Variants in PNPLA6 observed in about 807,000 individuals in gnomAD.
PNPLA6 encodes patatin-like phospholipase domain-containing protein 6.
A neutral mutation model predicts 153.7 loss-of-function variants in PNPLA6; 105 were observed. The ratio of observed to expected loss-of-function variants is 0.68; its 90% confidence interval spans 0.58 to 0.80. The LOEUF (loss-of-function observed/expected upper bound fraction) is 0.80. PNPLA6 is among the 30% of genes least tolerant of loss of function. The probability of loss-of-function intolerance (pLI) is 0.00; values close to 1 mark genes in which losing one functional copy is unlikely to be tolerated. For synonymous variants in PNPLA6, 825 were observed against 822.2 expected (o/e 1.00, Z -0.06); for missense variants, 1,423 against 1,919.3 (o/e 0.74, Z 4.83).
chr19:7,556,366 A>G, intron 24 of PNPLA6, 87 bp from the exon 25 acceptor site: 1 of 845,498 alleles, frequency 1.2e-6, no homozygotes, highest in Non-Finnish European at 2.1e-6. Context: ...CTGGCCCCTA[A>G]GTGCTGCTTG....
rs369490282 is a variant in PNPLA6, at chr19:7,561,245, C to T, written c.3951C>T (p.Asp1317=). The change falls in exon 31 of 32, where the codon GAC becomes GAT. Residue 1317 remains aspartate, a synonymous_variant. Transcript: ENST00000600737. ...ATTGTCTGACAGAGTATGAGGAGGA[C>T]GCCGGACCCGACTGCTCGAGGGATG... ...ESDCLTEYEE[D]AGPDCSRDEG... 138 of 1,610,512 alleles carry T rather than the reference C, an allele frequency of 8.6e-5. No individual in the cohort carries two copies. Among genetic ancestry groups the T allele is most frequent in the Middle Eastern group, 6.6e-4 (4 of 6,076 alleles).
At chr19:7,551,544 C>A (rs2023651605) in intron 18 of PNPLA6, 107 bp downstream of exon 18, 1 of 981,088 alleles carries the variant, frequency 1.0e-6, no homozygotes, top group Non-Finnish European at 1.6e-6. Context: ...TGGAGTTCCG[C>A]GAAGAAATCG....
At chr19:7,543,915 G>A (rs1246457953) in intron 13 of PNPLA6, among the ~76,000 whole-genome samples, 1 of 150,846 alleles carries the variant, frequency 6.6e-6, no homozygotes, top group Non-Finnish European at 1.5e-5. Context: ...CCGGGTTCAC[G>A]CCATTCTCCT....
chr19:7,551,879 C>T (rs572592759), intron 18 of PNPLA6, among the ~76,000 whole-genome samples: 9 of 152,040 alleles, frequency 5.9e-5, no homozygotes, highest in South Asian at 2.1e-4. Flanking sequence ...GCAGGAGGAT[C>T]GCTTGAGCCC....
At chr19:7,559,486 C>T (rs2024017073) in intron 28 of PNPLA6, among the ~76,000 whole-genome samples, 3 of 152,142 alleles carry the variant, frequency 2.0e-5, no homozygotes, top group African/African-American at 7.2e-5. Flanking sequence ...AGGGAGGTAG[C>T]AGTGCGTGTG....
Position 7,559,118 on chromosome 19 carries a change from G to T in PNPLA6, c.3666G>T (p.Lys1222Asn). ...EYLRPPIDCF[K>N]TMDFGKFDQI... is the part of the protein sequence containing the mutation. ...TGCGCCCGCCCATCGACTGCTTCAAGACCATGGACTTTGGGAAGTTCGACC... is the reference window on the plus strand; with the variant it reads ...TGCGCCCGCCCATCGACTGCTTCAATACCATGGACTTTGGGAAGTTCGACC... The change falls in exon 28 of 32, where the codon AAG (lysine) becomes AAT (asparagine). Residue 1222 changes from lysine to asparagine, a missense_variant. Physicochemically the swap from Lys to Asn is moderately conservative, Grantham distance 94. Transcript: ENST00000600737. The T allele has an allele frequency of 6.2e-7, 1 of 1,614,220 alleles. No individual in the cohort carries two copies. The highest frequency in any genetic ancestry group is 1.1e-5 in the South Asian group (1 of 91,084).
intron 3 of PNPLA6, 89 bp from the exon 4 acceptor site, chr19:7,539,829 C>A: frequency 2.3e-6 from 2 of 856,016 alleles, no homozygotes; most frequent in Middle Eastern, 3.4e-4. Context: ...TGTACATGAG[C>A]CCTGGGGAAA....
chr19:7,561,404 G>T, intron 31 of PNPLA6, 84 bp from the exon 32 acceptor site: 1 of 1,437,224 alleles, frequency 7.0e-7, no homozygotes, highest in Non-Finnish European at 9.6e-7. Context: ...GCGTATTTGA[G>T]ATCCTGTGTG....
Position 7,540,947 on chromosome 19 carries a change from G to C in PNPLA6, c.820G>C (p.Val274Leu), listed in dbSNP as rs1305177616. 1 of 1,612,720 alleles carries C rather than the reference G, an allele frequency of 6.2e-7. No individual in the cohort carries two copies. The highest frequency in any genetic ancestry group is 8.5e-7 in the Non-Finnish European group (1 of 1,179,852). Reference protein sequence around the residue: ...ITGHQHPQRTVSARAARDSTV... With the variant: ...ITGHQHPQRTLSARAARDSTV... ...GGGTCACCAGCATCCCCAGCGGACC[G>C]TGTCTGCCCGGGCGGCCCGGGACTC... is the stretch of plus-strand genomic sequence containing the variant. The change falls in exon 7 of 32, where the codon GTG becomes CTG. Residue 274 changes from valine (V) to leucine (L), a missense_variant. Val to Leu is a conservative substitution (Grantham distance 32). This residue lies in a region of PNPLA6 where 118 missense variants were observed against 158.8 expected (regional missense o/e 0.74). Coordinates refer to ENST00000600737, the MANE Select transcript of PNPLA6 (RefSeq NM_001166114.2). The surrounding 1 kb of genome is among the most constrained non-coding windows in gnomAD (Gnocchi z 6.8).
chr19:7,548,497 G>A (rs1350966589), intron 13 of PNPLA6, among the ~76,000 whole-genome samples: 1 of 151,956 alleles, frequency 6.6e-6, no homozygotes, highest in African/African-American at 2.4e-5. Context: ...CGTGCAGCCC[G>A]TGGGCAGCAG....
rs1421735247 is a variant in PNPLA6 at position 7,541,694 on chromosome 19, G to A, written c.1168+10G>A. On this transcript the variant is annotated intron_variant, in intron 9 of 31. Coordinates refer to ENST00000600737, the MANE Select transcript of PNPLA6 (RefSeq NM_001166114.2). The surrounding 1 kb of genome is among the most constrained non-coding windows in gnomAD (Gnocchi z 5.2). Reference sequence around the variant, plus strand: ...CTGCCTGGACCTACAGGTACCCAGGGACCCGAGGCCAGCCGAGCCCAATCT... The same window carrying A: ...CTGCCTGGACCTACAGGTACCCAGGAACCCGAGGCCAGCCGAGCCCAATCT... 3 of 1,562,788 alleles carry A rather than the reference G, an allele frequency of 1.9e-6. No individual in the cohort carries two copies. Among genetic ancestry groups the A allele is most frequent in the Non-Finnish European group, 2.6e-6 (3 of 1,157,582 alleles).
chr19:7,557,358 A>G, intron 27 of PNPLA6, 74 bp downstream of exon 27: 1 of 953,808 alleles, frequency 1.0e-6, no homozygotes, highest in Non-Finnish European at 1.7e-6. Context: ...GTGGGCACAC[A>G]CAGACAGGCT....
Position 7,536,172 on chromosome 19 carries a change from T to G in PNPLA6, c.233-19T>G. 1.3e-6 allele frequency: 2 copies of G among 1,568,338 alleles called. No homozygotes were observed. The highest frequency in any genetic ancestry group is 1.8e-6 in the Non-Finnish European group (2 of 1,138,476). ...GTCTGCACAGAGCTCGGAGTGCCCC[T>G]GTCCCCACCTATCCCCAGAAACCCC... is the stretch of plus-strand genomic sequence containing the variant. On this transcript the variant is annotated intron_variant, in intron 1 of 31. Coordinates refer to ENST00000600737, the MANE Select transcript of PNPLA6 (RefSeq NM_001166114.2).
At chr19:7,558,714 T>A in intron 27 of PNPLA6, 136 bp from the exon 28 acceptor site, 1 of 664,852 alleles carries the variant, frequency 1.5e-6, no homozygotes, top group Non-Finnish European at 2.6e-6. Flanking sequence ...CATGACAGCA[T>A]GGTGTTTGCA....
In PNPLA6 at chr19:7,540,593, C is replaced by A; in HGVS notation, c.715-37C>A. 6.6e-7 allele frequency: 1 copy of A among 1,507,860 alleles called. No individual in the cohort carries two copies. The highest frequency in any genetic ancestry group is 9.2e-7 in the Non-Finnish European group (1 of 1,083,130). The allele number at this position is 1,507,860 out of a possible 1,614,324, so 93.4% of individuals were successfully genotyped here. A position where few individuals can be genotyped will look rare whatever the true frequency, so the allele number is the denominator to read the frequency against. ...GGGGGCGACATGCCAGTCACCAGGG[C>A]GAGGCCACTGAGGGTCCACGGTCTC... On this transcript the variant is annotated intron_variant, in intron 5 of 31. Transcript: ENST00000600737. The surrounding 1 kb of genome is among the most constrained non-coding windows in gnomAD (Gnocchi z 6.8).
rs1005074554 is a variant in PNPLA6 at position 7,555,044 on chromosome 19, G to T, written c.2786G>T (p.Arg929Leu). 2 of 1,592,808 alleles carry T rather than the reference G, an allele frequency of 1.3e-6. No homozygotes were observed. The highest frequency in any genetic ancestry group is 1.7e-6 in the Non-Finnish European group (2 of 1,178,060). ...SGHLHLRCPR[R>L]LFSRRSPAKL... is the part of the protein sequence containing the mutation. The stretch of plus-strand genomic sequence containing the variant: ...CACCTGCACCTGCGCTGTCCGCGCC[G>T]CCTCTTTTCGCGCCGCAGCCCTGCC... Residue 929 changes from arginine (R) to leucine (L), a missense_variant, in exon 22 of 32, where the codon CGC (arginine) becomes CTC (leucine). Physicochemically the swap from Arg to Leu is moderately radical, Grantham distance 102. Coordinates refer to ENST00000600737, the MANE Select transcript of PNPLA6 (RefSeq NM_001166114.2). This position sits in a 1 kb window ranked among gnomAD's most constrained non-coding sequence, Gnocchi z 6.3.
intron 14 of PNPLA6, 53 bp from the exon 15 acceptor site, chr19:7,550,245 G>T: frequency 2.5e-6 from 4 of 1,612,498 alleles, no homozygotes; most frequent in Non-Finnish European, 1.7e-6. Flanking sequence ...TCCCAGCGCC[G>T]GTGTAGGACG....
rs920848727 is a variant in PNPLA6 at position 7,555,923 on chromosome 19, G to C, written c.3093+160G>C. Among the ~76,000 whole-genome samples, 8 of 152,052 alleles carry C rather than the reference G, an allele frequency of 5.3e-5. No individual in the cohort carries two copies. The highest frequency in any genetic ancestry group is 2.0e-4 in the Admixed American group (3 of 15,260). ...CCGGACTTTTATAGATAAGCTTCTAGGACTCTGGGTAACCACTTTGGGACC... is the reference window on the plus strand; with the variant it reads ...CCGGACTTTTATAGATAAGCTTCTACGACTCTGGGTAACCACTTTGGGACC... On this transcript the variant is annotated intron_variant, in intron 24 of 31. Coordinates refer to ENST00000600737, the MANE Select transcript of PNPLA6 (RefSeq NM_001166114.2). The surrounding 1 kb of genome is among the most constrained non-coding windows in gnomAD (Gnocchi z 6.3).
rs1181885342 is a variant in PNPLA6 at position 7,555,137 on chromosome 19, T to A, written c.2817+62T>A. On this transcript the variant is annotated intron_variant, in intron 22 of 31. Transcript: ENST00000600737. This position sits in a 1 kb window ranked among gnomAD's most constrained non-coding sequence, Gnocchi z 6.3. The stretch of plus-strand genomic sequence containing the variant: ...GGCTGGTGGGCGAGGCTTGGGAGAC[T>A]GGGGCGGGGCCTGGGAGGGCTGAGG... The A allele has an allele frequency of 2.6e-6, 4 of 1,557,158 alleles. No homozygotes were observed. Among genetic ancestry groups the A allele is most frequent in the Non-Finnish European group, 3.5e-6 (4 of 1,154,686 alleles).
Sources: allele counts gnomAD v4.1 joint callset (sites outside exome capture counted in the v4.1 genomes callset), GRCh38; gene constraint gnomAD v4.1.1; regional missense constraint gnomAD v4.1.1; non-coding constraint Gnocchi (gnomAD v3.1); transcripts MANE v1.5; gene names NCBI Gene and HGNC (gene_info 2026-07-23, HGNC 2026-07-21).